PLPPR1: variants seen among roughly 807,000 people sequenced by gnomAD.
PLPPR1 encodes the protein phospholipid phosphatase related 1.
PLPPR1 carries 10 observed loss-of-function variants against 33.1 expected under a neutral mutation model. The observed-to-expected ratio is 0.30, with a 90% CI of 0.19 to 0.51. The LOEUF is 0.51. Among genes scored for constraint, PLPPR1 ranks in the 20% least tolerant of loss-of-function variants. The pLI is 0.97. For synonymous variants in PLPPR1, 151 were observed against 151.0 expected (o/e 1.00, Z 0.00); for missense variants, 304 against 408.1 (o/e 0.74, Z 2.20).
chr9:101,257,127 G>A (rs1213818332), intron 2 of PLPPR1, among the ~76,000 whole-genome samples: 2 of 151,988 alleles, frequency 1.3e-5, no homozygotes, highest in South Asian at 2.1e-4. Context: ...AATACCAGTA[G>A]GCCCTGAGAA....
chr9:101,109,269 C>T (rs544839145), intron 1 of PLPPR1, among the ~76,000 whole-genome samples: 78 of 151,658 alleles, frequency 5.1e-4, no homozygotes, highest in East Asian at 5.0e-3. Flanking sequence ...CCACCGCGCC[C>T]GACTGGTCCT....
chr9:101,243,084 G>T (rs920374619), intron 2 of PLPPR1, among the ~76,000 whole-genome samples: 21 of 151,962 alleles, frequency 1.4e-4, no homozygotes, highest in African/African-American at 5.1e-4. Flanking sequence ...CATATTAATA[G>T]GCACAGAGGT....
intron 1 of PLPPR1, among the ~76,000 whole-genome samples, chr9:101,065,202 G>C (rs1157228772): frequency 6.6e-6 from 1 of 152,094 alleles, no homozygotes; most frequent in Non-Finnish European, 1.5e-5. Context: ...ATACAGGCCA[G>C]TAAGGAATTC....
chr9:101,307,223 G>A (rs535035593), intron 4 of PLPPR1, among the ~76,000 whole-genome samples: 13 of 152,298 alleles, frequency 8.5e-5, no homozygotes, highest in South Asian at 4.1e-4. Context: ...CCATACAATC[G>A]CTGTGACCAC....
chr9:101,042,038 T>C (rs1442712450), intron 1 of PLPPR1, among the ~76,000 whole-genome samples: 1 of 152,068 alleles, frequency 6.6e-6, no homozygotes. Flanking sequence ...GCTAAACACA[T>C]ATAGAGAAAA....
At chr9:101,300,369 G>C (rs1334682372) in intron 4 of PLPPR1, among the ~76,000 whole-genome samples, 4 of 152,136 alleles carry the variant, frequency 2.6e-5, no homozygotes, top group Non-Finnish European at 5.9e-5. Flanking sequence ...TGCAGAGACA[G>C]GGTCTCCCTA....
chr9:101,202,047 G>A (rs1308693104), intron 2 of PLPPR1, among the ~76,000 whole-genome samples: 1 of 152,114 alleles, frequency 6.6e-6, no homozygotes, highest in African/African-American at 2.4e-5. Context: ...TGCAAAATAG[G>A]GAATTAATCA....
intron 1 of PLPPR1, among the ~76,000 whole-genome samples, chr9:101,096,817 C>A (rs1830824780): frequency 6.6e-6 from 1 of 152,138 alleles, no homozygotes; most frequent in African/African-American, 2.4e-5. Flanking sequence ...GTAATCCCAG[C>A]ACCTTGAGAG....
chr9:101,321,356 A>G (rs973648695), intron 7 of PLPPR1, among the ~76,000 whole-genome samples: 13 of 152,108 alleles, frequency 8.5e-5, no homozygotes, highest in African/African-American at 3.1e-4. Flanking sequence ...CATTACCTCA[A>G]ATTTGAATAT....
At chr9:101,091,053 A>G (rs553124270) in intron 1 of PLPPR1, among the ~76,000 whole-genome samples, 3 of 151,762 alleles carry the variant, frequency 2.0e-5, no homozygotes, top group East Asian at 2.0e-4. Context: ...TCAAATCTGC[A>G]TCTCTAATCT....
chr9:101,107,870 G>C (rs1334447510), intron 1 of PLPPR1, among the ~76,000 whole-genome samples: 2 of 151,110 alleles, frequency 1.3e-5, no homozygotes, highest in Non-Finnish European at 1.5e-5. Context: ...TTTTTAAGCC[G>C]GTCTGAAAAG....
intron 2 of PLPPR1, among the ~76,000 whole-genome samples, chr9:101,191,510 T>G (rs917417863): frequency 1.3e-5 from 2 of 152,134 alleles, no homozygotes; most frequent in African/African-American, 4.8e-5. Context: ...TTCACTGTCA[T>G]TTCAGCAAAA....
chr9:101,266,424 GAAAT>G (rs145852363), intron 2 of PLPPR1, among the ~76,000 whole-genome samples: 30 of 143,588 alleles, frequency 2.1e-4, no homozygotes, highest in Middle Eastern at 3.3e-3. Context: ...AAGAAAGAAA[GAAAT>G]AAAGAAAAAG....
chr9:101,160,712 A>G (rs949315667), intron 1 of PLPPR1, among the ~76,000 whole-genome samples: 1 of 152,306 alleles, frequency 6.6e-6, no homozygotes, highest in Admixed American at 6.5e-5. Flanking sequence ...CTAATTAGCC[A>G]TCAAGATCCC....
At chr9:101,262,982 C>T (rs927924770) in intron 2 of PLPPR1, among the ~76,000 whole-genome samples, 2 of 152,044 alleles carry the variant, frequency 1.3e-5, no homozygotes, top group South Asian at 2.1e-4. Context: ...GGGAGTGGAA[C>T]ATCGCACACC....
intron 1 of PLPPR1, among the ~76,000 whole-genome samples, chr9:101,035,785 G>A (rs187339395): frequency 2.2e-4 from 34 of 152,224 alleles, no homozygotes; most frequent in African/African-American, 7.7e-4. Flanking sequence ...GAAAATCATA[G>A]GATTGTCCCA....
chr9:101,314,559 T>C (rs1210343605), intron 6 of PLPPR1, among the ~76,000 whole-genome samples: 2 of 152,188 alleles, frequency 1.3e-5, no homozygotes, highest in Non-Finnish European at 2.9e-5. Context: ...AAGTTATGTT[T>C]ACATTATTCT....
At chr9:101,294,953 C>A (rs1305511652) in intron 4 of PLPPR1, among the ~76,000 whole-genome samples, 1 of 151,920 alleles carries the variant, frequency 6.6e-6, no homozygotes, top group Non-Finnish European at 1.5e-5. Context: ...CTGGCCAGGG[C>A]AATTAGGCAG....
chr9:101,048,915 T>C (rs1830185480), intron 1 of PLPPR1, among the ~76,000 whole-genome samples: 1 of 151,570 alleles, frequency 6.6e-6, no homozygotes, highest in South Asian at 2.1e-4. Flanking sequence ...AAATAGATAA[T>C]AAAAAAAGAG....
Sources: gnomAD v4.1 joint callset for allele counts (sites outside exome capture counted in the v4.1 genomes callset) on GRCh38, gnomAD v4.1.1 for gene constraint, MANE v1.5 for transcripts, NCBI Gene and HGNC (gene_info 2026-07-23, HGNC 2026-07-21) for gene names.